The following CCDC138 variants were observed in gnomAD, a reference collection of about 807,000 sequenced individuals.
The protein encoded by CCDC138 is coiled-coil domain-containing protein 138.
In CCDC138, 66 loss-of-function variants were observed where a neutral mutation model predicts 82.3. The observed-to-expected ratio is 0.80, with a 90% CI of 0.66 to 0.98. CCDC138 has a LOEUF of 0.98. CCDC138 is among the 50% of genes least tolerant of loss of function. CCDC138 has a pLI of 0.00. For synonymous variants in CCDC138, 297 were observed against 265.4 expected, an observed-to-expected ratio of 1.12 and a Z score of -1.16; for missense variants, 816 against 758.9, an observed-to-expected ratio of 1.08 and a Z score of -0.88.
intron 11 of CCDC138, among the ~76,000 whole-genome samples, chr2:108,842,415 A>G (rs1689654736): frequency 6.6e-6 from 1 of 152,138 alleles, no homozygotes; most frequent in African/African-American, 2.4e-5. Context: ...GAAGTCAGGA[A>G]GCACAGGCAG....
At chr2:108,798,703 A>G (rs1681333005) in intron 6 of CCDC138, 117 bp downstream of exon 6, 2 of 601,450 alleles carry the variant, frequency 3.3e-6, no homozygotes, top group Non-Finnish European at 5.6e-6. Flanking sequence ...CCTCCTCTCC[A>G]CGCCTACACA....
chr2:108,884,824 C>G (rs553696339), intron 2 of CCDC138: 1 of 152,214 alleles, frequency 6.6e-6, no homozygotes, highest in East Asian at 1.9e-4. Context: ...CTTGTCACTC[C>G]TGGGTGCAGG....
intron 6 of CCDC138, among the ~76,000 whole-genome samples, chr2:108,803,864 A>G (rs1039365715): frequency 6.6e-6 from 1 of 152,214 alleles, no homozygotes; most frequent in Non-Finnish European, 1.5e-5. Context: ...AATGGAATGC[A>G]TATGTTTTTA....
intron 13 of CCDC138, among the ~76,000 whole-genome samples, chr2:108,872,572 G>C (rs536382353): frequency 6.6e-6 from 1 of 152,078 alleles, no homozygotes; most frequent in African/African-American, 2.4e-5. Flanking sequence ...CTTTAATGGC[G>C]TATATTCTAG....
chr2:108,786,956 C>T, intron 1 of CCDC138, 41 bp downstream of exon 1: 1 of 1,383,154 alleles, frequency 7.2e-7, no homozygotes, highest in Non-Finnish European at 9.6e-7. Context: ...GCTCCTGCTG[C>T]TGGGGGGCGG....
At chr2:108,813,014 CTG>C in intron 9 of CCDC138, 87 bp downstream of exon 9, 3 of 1,021,312 alleles carry the variant, frequency 2.9e-6, no homozygotes, top group Non-Finnish European at 4.4e-6. Flanking sequence ...CTTTGGGAGG[CTG>C]AGATGGGCGG....
At chr2:108,832,577 C>T (rs555077807) in intron 10 of CCDC138, among the ~76,000 whole-genome samples, 1 of 152,182 alleles carries the variant, frequency 6.6e-6, no homozygotes, top group South Asian at 2.1e-4. Flanking sequence ...GAACTCCTGA[C>T]CCAGAATTTG....
chr2:108,846,339 A>G (rs11899302), intron 11 of CCDC138, among the ~76,000 whole-genome samples: 1 of 152,278 alleles, frequency 6.6e-6, no homozygotes, highest in East Asian at 1.9e-4. Flanking sequence ...TAAATTAGCC[A>G]CAGATTTCAC....
intron 11 of CCDC138, among the ~76,000 whole-genome samples, chr2:108,844,132 A>T (rs77316581): frequency 0.018 from 2,665 of 151,774 alleles, 67 homozygotes; most frequent in African/African-American, 0.062. Flanking sequence ...AAGTGCCGGG[A>T]GTGCAACCGT....
intron 10 of CCDC138, among the ~76,000 whole-genome samples, chr2:108,838,076 T>G (rs1324646914): frequency 6.6e-6 from 1 of 152,128 alleles, no homozygotes; most frequent in African/African-American, 2.4e-5. Flanking sequence ...TGAATAATTT[T>G]GGCAGTACTA....
chr2:108,853,643 C>G (rs2889851), intron 12 of CCDC138, among the ~76,000 whole-genome samples: 105,084 of 149,014 alleles, frequency 0.71, 40,456 homozygotes, highest in East Asian at 0.9. Flanking sequence ...CCTCTTGCCT[C>G]AGGCTTCCAA....
chr2:108,854,277 A>T (rs1692256131), intron 12 of CCDC138, among the ~76,000 whole-genome samples: 1 of 151,030 alleles, frequency 6.6e-6, no homozygotes, highest in Non-Finnish European at 1.5e-5. Context: ...GTTAATAGGA[A>T]GGTTTGATTT....
intron 10 of CCDC138, among the ~76,000 whole-genome samples, chr2:108,836,954 T>A (rs916529769): frequency 3.3e-5 from 5 of 152,114 alleles, no homozygotes; most frequent in African/African-American, 1.2e-4. Flanking sequence ...TTTTTTTTTT[T>A]AATTGTGGAA....
At chr2:108,826,600 C>T (rs928627291) in intron 10 of CCDC138, among the ~76,000 whole-genome samples, 2 of 152,144 alleles carry the variant, frequency 1.3e-5, no homozygotes, top group Non-Finnish European at 2.9e-5. Context: ...CAGTTCCATT[C>T]CATTGTTCTA....
At chr2:108,798,067 GACA>G (rs1681200269) in intron 5 of CCDC138, among the ~76,000 whole-genome samples, 1 of 151,564 alleles carries the variant, frequency 6.6e-6, no homozygotes, top group African/African-American at 2.4e-5. Flanking sequence ...CAAGGTGATA[GACA>G]ACAAGATGAG....
intron 10 of CCDC138, among the ~76,000 whole-genome samples, chr2:108,830,986 C>T (rs186042041): frequency 6.6e-6 from 1 of 152,124 alleles, no homozygotes; most frequent in East Asian, 1.9e-4. Flanking sequence ...ACCAGCCTGA[C>T]CAACATGGAG....
At chr2:108,832,543 C>T (rs1215499432) in intron 10 of CCDC138, among the ~76,000 whole-genome samples, 2 of 151,994 alleles carry the variant, frequency 1.3e-5, no homozygotes, top group Admixed American at 1.3e-4. Flanking sequence ...GACGGGGTTT[C>T]TCCTTGTTGG....
At chr2:108,813,478 G>A (rs571923073) in intron 9 of CCDC138, among the ~76,000 whole-genome samples, 4 of 152,102 alleles carry the variant, frequency 2.6e-5, no homozygotes, top group African/African-American at 9.6e-5. Flanking sequence ...TTTCAGGTAC[G>A]TATCATTGAC....
At chr2:108,861,334 CTG>C (rs1181829993) in intron 13 of CCDC138, among the ~76,000 whole-genome samples, 2 of 151,770 alleles carry the variant, frequency 1.3e-5, no homozygotes, top group East Asian at 3.9e-4. Flanking sequence ...TCATTTAGTT[CTG>C]CTGTTTTTAT....
Sources: allele counts gnomAD v4.1 joint callset (sites outside exome capture counted in the v4.1 genomes callset), GRCh38; gene constraint gnomAD v4.1.1; transcripts MANE v1.5; gene names NCBI Gene and HGNC (gene_info 2026-07-23, HGNC 2026-07-21).